PIK3R1: variants seen among roughly 807,000 people sequenced by gnomAD.
The protein encoded by PIK3R1 is phosphoinositide-3-kinase regulatory subunit 1.
Under a neutral mutation model 98.0 loss-of-function variants are expected in PIK3R1, and 29 were observed. The ratio of observed to expected loss-of-function variants is 0.30; its 90% CI spans 0.22 to 0.40. PIK3R1 has a LOEUF of 0.40. Among genes scored for constraint, PIK3R1 ranks in the 10% least tolerant of loss-of-function variants. The pLI is 1.00. For missense variants in PIK3R1, 596 were observed against 872.7 expected, an observed-to-expected ratio of 0.68 and a Z score of 3.99; for synonymous variants, 282 against 311.8, an observed-to-expected ratio of 0.90 and a Z score of 1.01.
At chr5:68,281,175 T>C (rs1746818939) in intron 7 of PIK3R1, among the ~76,000 whole-genome samples, 169 bp downstream of exon 7, 1 of 152,250 alleles carries the variant, frequency 6.6e-6, no homozygotes, top group Non-Finnish European at 1.5e-5. Context: ...GTAGTGTATA[T>C]GTTAATTATT....
chr5:68,223,123 AATCATC>A (rs60144880), intron 1 of PIK3R1, among the ~76,000 whole-genome samples: 9,550 of 147,988 alleles, frequency 0.065, 658 homozygotes, highest in African/African-American at 0.17. Context: ...GTACAAACTC[AATCATC>A]ATCATCATCA....
chr5:68,244,724 A>G (rs901003628), intron 2 of PIK3R1, among the ~76,000 whole-genome samples: 1 of 152,080 alleles, frequency 6.6e-6, no homozygotes, highest in African/African-American at 2.4e-5. Flanking sequence ...TTGGAATGAT[A>G]GTTATAAGGC....
chr5:68,299,942 T>G lies in PIK3R1; in HGVS notation c.*2341T>G, dbSNP rs1341230448. 4.3e-6 allele frequency: 1 copy of G among 233,130 alleles called. No individual in the cohort carries two copies. The highest frequency in any genetic ancestry group is 2.2e-5 in the African/African-American group (1 of 45,346). 14.4% of individuals were successfully genotyped at this position (233,130 alleles called of 1,614,324 possible). ...CGTCTCTGCTTTAAAGTTATTGTGA[T>G]ATCCTTCTAGATCATACACAAGTCT... On this transcript the variant is annotated 3_prime_UTR_variant, in exon 16 of 16. Coordinates refer to ENST00000521381, the MANE Select transcript of PIK3R1 (RefSeq NM_181523.3).
chr5:68,261,738 A>T (rs1033232289), intron 2 of PIK3R1, among the ~76,000 whole-genome samples: 1 of 152,192 alleles, frequency 6.6e-6, no homozygotes, highest in Non-Finnish European at 1.5e-5. Context: ...CCAACAAAAA[A>T]CATCTGTTGT....
intron 2 of PIK3R1, among the ~76,000 whole-genome samples, chr5:68,261,657 T>C (rs1745752065): frequency 6.6e-6 from 1 of 152,176 alleles, no homozygotes; most frequent in African/African-American, 2.4e-5. Context: ...GGGGGAAACC[T>C]GAAACAGCCT....
At chr5:68,264,234 C>A (rs1255756033) in intron 2 of PIK3R1, among the ~76,000 whole-genome samples, 3 of 152,164 alleles carry the variant, frequency 2.0e-5, no homozygotes, top group Non-Finnish European at 4.4e-5. Context: ...AGCTGGCCTG[C>A]CAGTCCAAGC....
chr5:68,288,519 G>GAGCCC, intron 7 of PIK3R1: 1 of 1,355,746 alleles, frequency 7.4e-7, no homozygotes, highest in East Asian at 3.0e-5. Context: ...GGGACGAGCC[G>GAGCCC]AGCCGAGCCA....
chr5:68,248,377 A>T (rs1387421389), intron 2 of PIK3R1, among the ~76,000 whole-genome samples: 1 of 152,218 alleles, frequency 6.6e-6, no homozygotes, highest in Non-Finnish European at 1.5e-5. Flanking sequence ...AAACACTAGC[A>T]TAGCAGTTTT....
intron 7 of PIK3R1, among the ~76,000 whole-genome samples, chr5:68,287,009 T>C (rs1747105799): frequency 6.6e-6 from 1 of 152,224 alleles, no homozygotes; most frequent in Non-Finnish European, 1.5e-5. Context: ...TTATATCAGT[T>C]GCACTAAAGG....
At chr5:68,279,126 C>T (rs1325288830) in intron 4 of PIK3R1, among the ~76,000 whole-genome samples, 1 of 152,186 alleles carries the variant, frequency 6.6e-6, no homozygotes, top group Admixed American at 6.5e-5. Flanking sequence ...CTCATTTCCC[C>T]TCCTAGAAGG....
chr5:68,246,493 A>G (rs2112046810), intron 2 of PIK3R1, among the ~76,000 whole-genome samples: 1 of 151,802 alleles, frequency 6.6e-6, no homozygotes, highest in South Asian at 2.1e-4. Flanking sequence ...TTGTATTTTT[A>G]GTAGAGACAG....
chr5:68,250,963 T>G (rs758471865), intron 2 of PIK3R1, among the ~76,000 whole-genome samples: 1 of 151,940 alleles, frequency 6.6e-6, no homozygotes, highest in East Asian at 1.9e-4. Flanking sequence ...TTTAAGAGAG[T>G]GTGTATGTTT....
In PIK3R1 at chr5:68,295,068, C is replaced by T; in HGVS notation, c.1569-80C>T. 2.5e-6 allele frequency: 3 copies of T among 1,189,814 alleles called. No homozygotes were observed. In the South Asian group the frequency reaches 5.9e-5, roughly 24 times the overall value. The allele number at this position is 1,189,814 out of a possible 1,614,324, so 73.7% of individuals were successfully genotyped here. On this transcript the variant is annotated intron_variant, in intron 12 of 15. Transcript: ENST00000521381. ...TACCTAAGGAAAACTGCTGGGAAAC[C>T]ATAGTGAAACTTTTCATAAACTTTG... is the stretch of plus-strand genomic sequence containing the variant.
chr5:68,264,847 C>T (rs1163185637), intron 2 of PIK3R1, among the ~76,000 whole-genome samples: 1 of 152,200 alleles, frequency 6.6e-6, no homozygotes, highest in Non-Finnish European at 1.5e-5. Flanking sequence ...GGCAGCAGAG[C>T]TCCTGGCTGC....
Position 68,226,604 on chromosome 5 carries a change from T to C in PIK3R1, c.-72T>C, listed in dbSNP as rs1744283630. The C allele has an allele frequency of 1.6e-6, 2 of 1,245,816 alleles. 1 individual carries two copies. Among genetic ancestry groups the C allele is most frequent in the East Asian group, 4.7e-5 (2 of 42,636 alleles). 77.2% of individuals were successfully genotyped at this position (1,245,816 alleles called of 1,614,324 possible). A position where few individuals can be genotyped will look rare whatever the true frequency, so the allele number is the denominator to read the frequency against. On this transcript the variant is annotated 5_prime_UTR_variant, in exon 2 of 16. Transcript: ENST00000521381. ...TCTAACACATTCTCTGAATTCACTT[T>C]TCATAAAAACGTAAAATCAGACTGC...
chr5:68,275,825 C>T (rs546248306), intron 4 of PIK3R1, among the ~76,000 whole-genome samples: 1 of 151,866 alleles, frequency 6.6e-6, no homozygotes, highest in Non-Finnish European at 1.5e-5. Context: ...TAGTCACTTA[C>T]ACCTAAAAAA....
intron 3 of PIK3R1, 76 bp downstream of exon 3, chr5:68,273,558 C>A: frequency 8.0e-7 from 1 of 1,246,056 alleles, no homozygotes; most frequent in Non-Finnish European, 1.2e-6. Flanking sequence ...GTCTCTTGTG[C>A]ATTCATTAAG....
At chr5:68,267,460 C>T (rs996699829) in intron 2 of PIK3R1, among the ~76,000 whole-genome samples, 2 of 152,102 alleles carry the variant, frequency 1.3e-5, no homozygotes, top group Non-Finnish European at 1.5e-5. Flanking sequence ...ATAAACTTAA[C>T]GATATTAAAG....
chr5:68,273,853 A>G, intron 3 of PIK3R1, 86 bp from the exon 4 acceptor site: 4 of 988,944 alleles, frequency 4.0e-6, no homozygotes, highest in Non-Finnish European at 6.5e-6. Flanking sequence ...CTGGATGGAA[A>G]CTGGAATGTC....
Sources: gnomAD v4.1 joint callset for allele counts (sites outside exome capture counted in the v4.1 genomes callset) on GRCh38, gnomAD v4.1.1 for gene constraint, MANE v1.5 for transcripts, NCBI Gene and HGNC (gene_info 2026-07-23, HGNC 2026-07-21) for gene names.